Variants in SLAMF1 observed in about 807,000 individuals in gnomAD.
SLAMF1 encodes the protein signaling lymphocytic activation molecule family member 1.
In SLAMF1, 18 loss-of-function variants were observed where a neutral mutation model predicts 35.1. That is an observed-to-expected ratio of 0.51 (90% CI 0.35 to 0.76). SLAMF1 has a LOEUF of 0.76. Among genes scored for constraint, SLAMF1 ranks in the 30% least tolerant of loss-of-function variants. The probability of loss-of-function intolerance (pLI) is 0.01; values close to 1 mark genes in which losing one functional copy is unlikely to be tolerated. For missense variants in SLAMF1, 392 were observed against 413.0 expected (o/e 0.95, Z 0.44); for synonymous variants, 168 against 157.2 (o/e 1.07, Z -0.51).
rs1253549252 is a variant in SLAMF1 at position 160,609,873 on chromosome 1, T to G, written c.*875A>C. 6.0e-6 allele frequency: 1 copy of G among 165,404 alleles called. No homozygotes were observed. Among genetic ancestry groups the G allele is most frequent in the Non-Finnish European group, 1.3e-5 (1 of 76,422 alleles). 10.2% of individuals were successfully genotyped at this position (165,404 alleles called of 1,614,324 possible). On this transcript the variant is annotated 3_prime_UTR_variant, in exon 7 of 7. Transcript: ENST00000302035. ...TGGTCACAGAGAGTCTTAGCTGAGG[T>G]TCCAGGTTTGTTGTTCAAGGGAATC...
At chr1:160,636,213 T>C (rs1660448580) in intron 2 of SLAMF1, among the ~76,000 whole-genome samples, 1 of 152,186 alleles carries the variant, frequency 6.6e-6, no homozygotes, top group African/African-American at 2.4e-5. Flanking sequence ...ATGGCAGTCG[T>C]GCCTGGAGCC....
At chr1:160,624,969 A>G (rs1402632435) in intron 3 of SLAMF1, among the ~76,000 whole-genome samples, 2 of 152,244 alleles carry the variant, frequency 1.3e-5, no homozygotes, top group African/African-American at 4.8e-5. Flanking sequence ...AATGGGCCAC[A>G]TATTTTTAGT....
In SLAMF1 at chr1:160,613,444, G is replaced by A. The variant is rs374565448; in HGVS notation, c.865-864C>T. Among the ~76,000 whole-genome samples, 213 of 152,234 alleles carry A rather than the reference G, an allele frequency of 1.4e-3. 1 individual carries two copies. The highest frequency in any genetic ancestry group is 4.9e-3 in the African/African-American group (202 of 41,526). The stretch of plus-strand genomic sequence containing the variant: ...GATATTTGTTGATGTTACTTTGAAC[G>A]AATTAAAATCCACAATTCCTGGACA... On this transcript the variant is annotated intron_variant, in intron 5 of 6. Transcript: ENST00000302035.
At chr1:160,636,837 A>G (rs1164982404) in intron 2 of SLAMF1, among the ~76,000 whole-genome samples, 4 of 152,186 alleles carry the variant, frequency 2.6e-5, no homozygotes, top group African/African-American at 7.2e-5. Flanking sequence ...GATCTGTGGT[A>G]TTCAACTTCT....
chr1:160,634,890 G>A lies in SLAMF1; in HGVS notation c.423C>T (p.Val141=). Residue 141 remains valine (V), a synonymous_variant, in exon 3 of 7, where the codon GTC becomes GTT. Transcript: ENST00000302035. ...TTAAAACTTTAATTTCTGGAGTGGA[G>A]ACCTGCTCTGTCAGGAGTGGGAGGA... ...FCLQLRLYEQ[V]STPEIKVLNK... 6.2e-7 allele frequency: 1 copy of A among 1,609,872 alleles called. No individual in the cohort carries two copies. Among genetic ancestry groups the A allele is most frequent in the Non-Finnish European group, 8.5e-7 (1 of 1,176,820 alleles).
intron 3 of SLAMF1, among the ~76,000 whole-genome samples, chr1:160,627,097 C>G (rs763972272): frequency 6.6e-6 from 1 of 152,192 alleles, no homozygotes; most frequent in Admixed American, 6.5e-5. Context: ...TAGATAAGTT[C>G]AAATTCTGGG....
At chr1:160,616,621 G>A (rs1450234558) in intron 5 of SLAMF1, among the ~76,000 whole-genome samples, 1 of 152,130 alleles carries the variant, frequency 6.6e-6, no homozygotes, top group Non-Finnish European at 1.5e-5. Context: ...CTGCCAAAGG[G>A]CACATATCCA....
At chr1:160,613,993 A>G (rs1393112134) in intron 5 of SLAMF1, among the ~76,000 whole-genome samples, 2 of 152,200 alleles carry the variant, frequency 1.3e-5, no homozygotes, top group Admixed American at 1.3e-4. Flanking sequence ...GGATCTTGTT[A>G]AAGGGTTGAT....
intron 4 of SLAMF1, among the ~76,000 whole-genome samples, chr1:160,621,855 C>CGTGTGTGTGT (rs59676823): frequency 0.016 from 2,260 of 145,286 alleles, 21 homozygotes; most frequent in Middle Eastern, 0.037. Flanking sequence ...TGCGTGAGTG[C>CGTGTGTGTGT]GTGTGTGTGT....
intron 5 of SLAMF1, 122 bp downstream of exon 5, chr1:160,619,654 C>A (rs1263654114): frequency 1.4e-6 from 1 of 736,184 alleles, no homozygotes; most frequent in Non-Finnish European, 2.5e-6. Flanking sequence ...GTTCTTGACT[C>A]CTGTTCCCTA....
rs6680387 is a variant in SLAMF1 at position 160,610,626 on chromosome 1, T to A, written c.*122A>T. 3.9e-3 allele frequency: 2,804 copies of A among 715,116 alleles called. 68 individuals are homozygous for A. In the African/African-American group the frequency reaches 0.041, roughly 10 times the overall value. The allele number at this position is 715,116 out of a possible 1,614,324, so 44.3% of individuals were successfully genotyped here. ...GGAAGAAACATCACCAGGGAGTTGATCTGAGAAGGGTACAGACGTGCAGCA... is the reference window on the plus strand; with the variant it reads ...GGAAGAAACATCACCAGGGAGTTGAACTGAGAAGGGTACAGACGTGCAGCA... On this transcript the variant is annotated 3_prime_UTR_variant, in exon 7 of 7. Coordinates refer to ENST00000302035, the MANE Select transcript of SLAMF1 (RefSeq NM_003037.5).
At chr1:160,619,904 T>G in intron 4 of SLAMF1, 55 bp from the exon 5 acceptor site, 1 of 1,200,646 alleles carries the variant, frequency 8.3e-7, no homozygotes, top group Non-Finnish European at 1.2e-6. Context: ...CAGGAGCTCC[T>G]TACTCAGACC....
chr1:160,645,904 A>G (rs953753502), intron 1 of SLAMF1, among the ~76,000 whole-genome samples: 3 of 151,974 alleles, frequency 2.0e-5, no homozygotes, highest in Non-Finnish European at 4.4e-5. Context: ...GAAAACCCCA[A>G]GCTTAAAACA....
At chr1:160,619,910 A>G (rs1659514110) in intron 4 of SLAMF1, 61 bp from the exon 5 acceptor site, 2 of 1,134,724 alleles carry the variant, frequency 1.8e-6, no homozygotes, top group African/African-American at 3.1e-5. Flanking sequence ...CTCCTTACTC[A>G]GACCTGGTCT....
chr1:160,644,080 C>T lies in SLAMF1; in HGVS notation c.76+2790G>A, dbSNP rs537188898. On this transcript the variant is annotated intron_variant, in intron 1 of 6. Coordinates refer to ENST00000302035, the MANE Select transcript of SLAMF1 (RefSeq NM_003037.5). ...AGTTTTCATTTTCCAAATTCCAGGT[C>T]AAATACTTCTTATATGCCCTCTACG... Among the ~76,000 whole-genome samples, 6 of 152,318 alleles carry T rather than the reference C, an allele frequency of 3.9e-5. No homozygotes were observed. The East Asian group carries it at 1.2e-3, about 29-fold the overall frequency.
intron 1 of SLAMF1, among the ~76,000 whole-genome samples, chr1:160,640,359 T>TATATATATATATATATAC (rs1361053277): frequency 9.0e-5 from 11 of 122,456 alleles, no homozygotes; most frequent in Admixed American, 3.4e-4. Flanking sequence ...TATATATATA[T>TATATATATATATATATAC]ACACACACAC....
At chr1:160,632,076 C>A (rs1660194899) in intron 3 of SLAMF1, among the ~76,000 whole-genome samples, 1 of 152,126 alleles carries the variant, frequency 6.6e-6, no homozygotes, top group Non-Finnish European at 1.5e-5. Context: ...AACAATCCTG[C>A]TGACACCTTG....
chr1:160,610,839 A>G, intron 6 of SLAMF1, 41 bp from the exon 7 acceptor site: 1 of 1,406,616 alleles, frequency 7.1e-7, no homozygotes, highest in Non-Finnish European at 1.0e-6. Flanking sequence ...GGGACTGGAT[A>G]CTCACTTCAC....
At chr1:160,611,800 G>A (rs1278910500) in intron 6 of SLAMF1, among the ~76,000 whole-genome samples, 1 of 152,108 alleles carries the variant, frequency 6.6e-6, no homozygotes, top group African/African-American at 2.4e-5. Flanking sequence ...ATTAAATGGG[G>A]CTGCACAGAG....
Sources: gnomAD v4.1 joint callset for allele counts (sites outside exome capture counted in the v4.1 genomes callset) on GRCh38, gnomAD v4.1.1 for gene constraint, MANE v1.5 for transcripts, NCBI Gene and HGNC (gene_info 2026-07-23, HGNC 2026-07-21) for gene names.